The following SREBF2 variants were observed in gnomAD, a reference collection of about 807,000 sequenced individuals.
SREBF2 encodes sterol regulatory element-binding protein 2.
A neutral mutation model predicts 113.1 loss-of-function variants in SREBF2; 55 were observed. That is an observed-to-expected ratio of 0.49 (90% CI 0.39 to 0.61). The LOEUF is 0.61. SREBF2 is among the 20% of genes least tolerant of loss of function. The pLI is 0.00. For missense variants in SREBF2, 1,349 were observed against 1,487.4 expected (o/e 0.91, Z 1.53); for synonymous variants, 593 against 605.7 (o/e 0.98, Z 0.31).
rs771292485 is a variant in SREBF2 at position 41,875,566 on chromosome 22, G to C, written c.1228G>C (p.Gly410Arg). The C allele has an allele frequency of 4.3e-6, 7 of 1,614,228 alleles. No individual in the cohort carries two copies. Among genetic ancestry groups the C allele is most frequent in the South Asian group, 1.1e-5 (1 of 91,084 alleles). The change falls in exon 7 of 19, where the codon GGC (glycine) becomes CGC (arginine). Residue 410 changes from glycine to arginine, a missense_variant. By Grantham distance (125) the Gly-to-Arg change is moderately radical (BLOSUM62 -2). Transcript: ENST00000361204. The stretch of plus-strand genomic sequence containing the variant: ...AGAGCTTCTAAAGGGCATCGACCTA[G>C]GCAGTCTGGTGGACAATGAGGTGGA... ...KNKLLKGIDL[G>R]SLVDNEVDLK...
intron 1 of SREBF2, among the ~76,000 whole-genome samples, chr22:41,847,925 T>A (rs1051943839): frequency 0.011 from 1,617 of 150,016 alleles, 47 homozygotes; most frequent in Admixed American, 0.058. Flanking sequence ...TTATTATTTT[T>A]TTTTTTTTGA....
intron 1 of SREBF2, among the ~76,000 whole-genome samples, chr22:41,858,451 A>G (rs1431038074): frequency 6.6e-6 from 1 of 152,206 alleles, no homozygotes; most frequent in African/African-American, 2.4e-5. Flanking sequence ...GCCATGCGAA[A>G]TCATGCAGTA....
At chr22:41,864,413 C>T (rs1209248476) in intron 1 of SREBF2, among the ~76,000 whole-genome samples, 2 of 145,238 alleles carry the variant, frequency 1.4e-5, no homozygotes, top group Non-Finnish European at 3.0e-5. Flanking sequence ...CTCTGCCTCC[C>T]GGGTTCACTC....
At chr22:41,858,215 C>T (rs1297978086) in intron 1 of SREBF2, among the ~76,000 whole-genome samples, 5 of 152,202 alleles carry the variant, frequency 3.3e-5, no homozygotes, top group African/African-American at 1.2e-4. Flanking sequence ...ACACATCACA[C>T]ACCATTATTA....
chr22:41,877,660 G>A (rs1023498036), intron 8 of SREBF2, among the ~76,000 whole-genome samples: 13 of 152,170 alleles, frequency 8.5e-5, no homozygotes, highest in African/African-American at 3.1e-4. Context: ...TAAATACCCT[G>A]GGGTGGAGGG....
rs1389377016 is a variant in SREBF2, at chr22:41,833,140, G to A, written c.-131G>A. ...GGCGCCCGGGCGCAACGCAAACATGGCGGCGGGTGGCACCCGTCGGTGAGG... is the reference window on the plus strand; with the variant it reads ...GGCGCCCGGGCGCAACGCAAACATGACGGCGGGTGGCACCCGTCGGTGAGG... On this transcript the variant is annotated 5_prime_UTR_variant, in exon 1 of 19. Coordinates refer to ENST00000361204, the MANE Select transcript of SREBF2 (RefSeq NM_004599.4). This position sits in a 1 kb window ranked among gnomAD's most constrained non-coding sequence, Gnocchi z 4.1. 3 of 628,908 alleles carry A rather than the reference G, an allele frequency of 4.8e-6. No homozygotes were observed. The highest frequency in any genetic ancestry group is 2.7e-5 in the South Asian group (1 of 36,930). 39.0% of individuals were successfully genotyped at this position (628,908 alleles called of 1,614,324 possible). A position where few individuals can be genotyped will look rare whatever the true frequency, so the allele number is the denominator to read the frequency against.
chr22:41,877,857 C>A, intron 8 of SREBF2, 85 bp from the exon 9 acceptor site: 2 of 1,403,386 alleles, frequency 1.4e-6, no homozygotes, highest in Non-Finnish European at 2.0e-6. Flanking sequence ...AAGACTCTTT[C>A]CTGTGATAGT....
At chr22:41,893,037 T>C in intron 11 of SREBF2, 80 bp from the exon 12 acceptor site, 3 of 1,536,362 alleles carry the variant, frequency 2.0e-6, no homozygotes, top group Non-Finnish European at 2.7e-6. Flanking sequence ...ACCTCCACCA[T>C]GGTGCTTTCT....
At chr22:41,878,538 C>G in intron 9 of SREBF2, 1 of 562,116 alleles carries the variant, frequency 1.8e-6, no homozygotes, top group Non-Finnish European at 3.0e-6. Flanking sequence ...TGTGTCTAGG[C>G]CCAAATTGGA....
intron 15 of SREBF2, chr22:41,899,616 T>A (rs2077447311): frequency 1.0e-6 from 1 of 980,028 alleles, no homozygotes; most frequent in Non-Finnish European, 1.2e-6. Context: ...CTAATTTCAT[T>A]GAAGTAGCCC....
chr22:41,865,617 A>G (rs1392150577), intron 1 of SREBF2, among the ~76,000 whole-genome samples: 2 of 152,172 alleles, frequency 1.3e-5, no homozygotes, highest in Non-Finnish European at 2.9e-5. Flanking sequence ...TACTTGGAAC[A>G]TGATCTAGAA....
At chr22:41,857,778 G>GC (rs1280525617) in intron 1 of SREBF2, among the ~76,000 whole-genome samples, 1 of 152,138 alleles carries the variant, frequency 6.6e-6, no homozygotes, top group African/African-American at 2.4e-5. Flanking sequence ...GCTCTGATGT[G>GC]CCCCCTGGTG....
Position 41,880,942 on chromosome 22 carries a change from C to T in SREBF2, c.1988C>T (p.Ala663Val). The T allele has an allele frequency of 6.2e-7, 1 of 1,612,274 alleles. No individual in the cohort carries two copies. The highest frequency in any genetic ancestry group is 1.1e-5 in the South Asian group (1 of 91,064). Reference sequence around the variant, plus strand: ...TTTGAAGACGAAGCTAAGACCAGCGCCCGGGATGCGGCTCTGGCCTATCAC... The same window carrying T: ...TTTGAAGACGAAGCTAAGACCAGCGTCCGGGATGCGGCTCTGGCCTATCAC... ...AGFEDEAKTS[A>V]RDAALAYHRL... The change falls in exon 10 of 19, where the codon GCC (alanine) becomes GTC (valine). Residue 663 changes from alanine to valine, a missense_variant. Physicochemically the swap from Ala to Val is moderately conservative, Grantham distance 64. Transcript: ENST00000361204.
At chr22:41,842,591 A>G (rs761585891) in intron 1 of SREBF2, among the ~76,000 whole-genome samples, 5 of 152,202 alleles carry the variant, frequency 3.3e-5, no homozygotes, top group Non-Finnish European at 5.9e-5. Flanking sequence ...CCTTTCACAC[A>G]TGTGCAAGTC....
chr22:41,891,825 C>G (rs1014263714), intron 11 of SREBF2, among the ~76,000 whole-genome samples: 1 of 152,132 alleles, frequency 6.6e-6, no homozygotes. Context: ...TGGCCTGTTT[C>G]GGGGAGTGGT....
At chr22:41,895,040 C>T (rs2077400028) in intron 13 of SREBF2, 103 bp downstream of exon 13, 2 of 899,384 alleles carry the variant, frequency 2.2e-6, no homozygotes, top group Admixed American at 3.9e-5. Context: ...AGCCTGGCAT[C>T]GGGTTGGCAG....
At chr22:41,885,100 T>C in intron 11 of SREBF2, 89 bp downstream of exon 11, 1 of 1,495,546 alleles carries the variant, frequency 6.7e-7, no homozygotes, top group East Asian at 2.4e-5. Flanking sequence ...TGAACCCCCT[T>C]CCCCATCAGG....
At chr22:41,902,931 C>T in intron 16 of SREBF2, 39 bp from the exon 17 acceptor site, 8 of 1,586,420 alleles carry the variant, frequency 5.0e-6, no homozygotes, top group Non-Finnish European at 6.9e-6. Context: ...AGGGATGGGC[C>T]AGTCACCTGT....
chr22:41,854,158 TTTTTTG>T (rs1797628825), intron 1 of SREBF2, among the ~76,000 whole-genome samples: 3 of 151,972 alleles, frequency 2.0e-5, no homozygotes, highest in African/African-American at 4.8e-5. Context: ...TGTTTTGTGT[TTTTTTG>T]TTTTTGTTTT....
Sources: gnomAD v4.1 joint callset for allele counts (sites outside exome capture counted in the v4.1 genomes callset) on GRCh38, gnomAD v4.1.1 for gene constraint, Gnocchi (gnomAD v3.1) non-coding constraint, MANE v1.5 for transcripts, NCBI Gene and HGNC (gene_info 2026-07-23, HGNC 2026-07-21) for gene names.